Variants in SORCS1 observed in about 807,000 individuals in gnomAD.
SORCS1 encodes sortilin related VPS10 domain containing receptor 1.
SORCS1 carries 60 observed loss-of-function variants against 146.1 expected under a neutral mutation model. That is an observed-to-expected ratio of 0.41 (90% CI 0.33 to 0.51). The LOEUF (loss-of-function observed/expected upper bound fraction) is 0.51, where lower values mean the gene tolerates loss of function less well. SORCS1 is among the 20% of genes least tolerant of loss of function. The probability of loss-of-function intolerance (pLI) is 0.21; values close to 1 mark genes in which losing one functional copy is unlikely to be tolerated. For missense variants in SORCS1, 1,352 were observed against 1,487.6 expected, an observed-to-expected ratio of 0.91 and a Z score of 1.50; for synonymous variants, 637 against 584.0, an observed-to-expected ratio of 1.09 and a Z score of -1.31.
intron 1 of SORCS1, among the ~76,000 whole-genome samples, chr10:107,150,113 G>A (rs1422541496): frequency 3.9e-5 from 6 of 152,096 alleles, no homozygotes; most frequent in Admixed American, 2.6e-4. Context: ...TTGTTTATGG[G>A]TCTATTTCCA....
intron 3 of SORCS1, among the ~76,000 whole-genome samples, chr10:106,805,755 G>A (rs1169963052): frequency 6.6e-6 from 1 of 151,912 alleles, no homozygotes; most frequent in East Asian, 1.9e-4. Context: ...TGATGCAAAG[G>A]AAATAGATTT....
intron 1 of SORCS1, among the ~76,000 whole-genome samples, chr10:107,001,199 A>G (rs1175533891): frequency 1.3e-5 from 2 of 152,096 alleles, no homozygotes; most frequent in Non-Finnish European, 2.9e-5. Context: ...GTTTGCCTGG[A>G]ATTTAAGATG....
intron 1 of SORCS1, among the ~76,000 whole-genome samples, chr10:107,151,147 A>C (rs2134820171): frequency 6.6e-6 from 1 of 152,356 alleles, no homozygotes; most frequent in Admixed American, 6.5e-5. Flanking sequence ...GCTCAGAAGA[A>C]GACAGGAAAA....
intron 1 of SORCS1, among the ~76,000 whole-genome samples, chr10:107,104,524 C>G (rs1008395326): frequency 6.6e-6 from 1 of 152,014 alleles, no homozygotes; most frequent in African/African-American, 2.4e-5. Flanking sequence ...ACTGTACACA[C>G]GTGGACTGAG....
intron 5 of SORCS1, among the ~76,000 whole-genome samples, chr10:106,745,825 G>A (rs548887163): frequency 2.6e-5 from 4 of 152,206 alleles, no homozygotes; most frequent in South Asian, 4.1e-4. Context: ...CCTGGGAGAC[G>A]CCCCCTTCAC....
intron 1 of SORCS1, among the ~76,000 whole-genome samples, chr10:107,000,780 T>C (rs1957184940): frequency 6.6e-6 from 1 of 152,058 alleles, no homozygotes; most frequent in Non-Finnish European, 1.5e-5. Flanking sequence ...CTTCAACATA[T>C]GGGCTCAAAT....
intron 1 of SORCS1, among the ~76,000 whole-genome samples, chr10:107,058,998 T>TA (rs1434574413): frequency 6.6e-6 from 1 of 152,236 alleles, no homozygotes; most frequent in Non-Finnish European, 1.5e-5. Context: ...ACCGGGTTTT[T>TA]ATCACGTGCT....
At chr10:106,582,711 G>A (rs1844994603) in intron 24 of SORCS1, among the ~76,000 whole-genome samples, 1 of 152,080 alleles carries the variant, frequency 6.6e-6, no homozygotes, top group African/African-American at 2.4e-5. Flanking sequence ...CATTATTCAT[G>A]CACAAAGTAA....
At chr10:107,158,773 G>T (rs1236595227) in intron 1 of SORCS1, among the ~76,000 whole-genome samples, 2 of 152,110 alleles carry the variant, frequency 1.3e-5, no homozygotes, top group African/African-American at 4.8e-5. Context: ...TTTGCGTAAG[G>T]CTCTTGGCAT....
chr10:107,166,457 C>A (rs944801100), upstream of SORCS1, among the ~76,000 whole-genome samples: 1 of 152,168 alleles, frequency 6.6e-6, no homozygotes, highest in Non-Finnish European at 1.5e-5. Context: ...ACTTGAGTAC[C>A]TAAAAGGACC....
chr10:106,962,134 T>A (rs1955254478), intron 1 of SORCS1, among the ~76,000 whole-genome samples: 2 of 152,096 alleles, frequency 1.3e-5, no homozygotes, highest in Non-Finnish European at 2.9e-5. Context: ...GCGTGGTGGC[T>A]CATGCCTGTA....
At chr10:106,588,860 C>CAAAAAAAA (rs778852501) in intron 24 of SORCS1, among the ~76,000 whole-genome samples, 3 of 35,116 alleles carry the variant, frequency 8.5e-5, no homozygotes, top group African/African-American at 8.0e-5. Flanking sequence ...GACTCCATCT[C>CAAAAAAAA]AAAAAAAAAA....
At chr10:107,045,541 G>A (rs1959298253) in intron 1 of SORCS1, among the ~76,000 whole-genome samples, 1 of 152,090 alleles carries the variant, frequency 6.6e-6, no homozygotes, top group Non-Finnish European at 1.5e-5. Context: ...ATGCATTCTG[G>A]TTTTCAATTC....
chr10:106,667,288 T>C (rs1851235846), intron 17 of SORCS1: 1 of 169,628 alleles, frequency 5.9e-6, no homozygotes, highest in African/African-American at 2.4e-5. Flanking sequence ...TGAGTTCCTT[T>C]TGTGATTCCA....
At position 106,966,899 on chromosome 10, in the gene SORCS1, A is replaced by G. The variant is rs144070606; in HGVS notation, c.559-10319T>C. ...CTTCCTGCTAGTAACAAACCCAAAA[A>G]ATAAAAATAAAAATAAAAAATAAGC... is the stretch of plus-strand genomic sequence containing the variant. On this transcript the variant is annotated intron_variant, in intron 1 of 25. Coordinates refer to ENST00000263054, the MANE Select transcript of SORCS1 (RefSeq NM_052918.5). Among the ~76,000 whole-genome samples the G allele has an allele frequency of 5.1e-3, 784 of 152,270 alleles. 11 individuals carry two copies. The highest frequency in any genetic ancestry group is 0.024 in the Middle Eastern group (7 of 294).
At chr10:107,155,068 T>C (rs940397464) in intron 1 of SORCS1, among the ~76,000 whole-genome samples, 2 of 152,216 alleles carry the variant, frequency 1.3e-5, no homozygotes, top group Non-Finnish European at 2.9e-5. Context: ...TGTGGTTATG[T>C]GGACAGCCAT....
intron 3 of SORCS1, among the ~76,000 whole-genome samples, chr10:106,798,720 C>T (rs901524571): frequency 6.6e-6 from 1 of 152,154 alleles, no homozygotes; most frequent in African/African-American, 2.4e-5. Flanking sequence ...CAAGTCTTTG[C>T]TATTGTGAAT....
chr10:106,867,763 T>C (rs1950273700), intron 2 of SORCS1, among the ~76,000 whole-genome samples: 1 of 152,092 alleles, frequency 6.6e-6, no homozygotes, highest in Non-Finnish European at 1.5e-5. Flanking sequence ...CACACTTAAA[T>C]ACACAGACCA....
chr10:106,685,529 A>G (rs1852764589), intron 10 of SORCS1, among the ~76,000 whole-genome samples: 1 of 152,242 alleles, frequency 6.6e-6, no homozygotes, highest in South Asian at 2.1e-4. Context: ...AAGATAATGA[A>G]GCAATGATCT....
Sources: gnomAD v4.1 joint callset for allele counts (sites outside exome capture counted in the v4.1 genomes callset) on GRCh38, gnomAD v4.1.1 for gene constraint, MANE v1.5 for transcripts, NCBI Gene and HGNC (gene_info 2026-07-23, HGNC 2026-07-21) for gene names.